Variants in KIAA1328 observed in about 807,000 individuals in gnomAD.
KIAA1328 encodes protein hinderin.
Under a neutral mutation model 68.1 loss-of-function variants are expected in KIAA1328, and 52 were observed. The ratio of observed to expected loss-of-function variants is 0.76; its 90% CI spans 0.61 to 0.96. KIAA1328 has a LOEUF of 0.96. Ranked by LOEUF, KIAA1328 falls within the 40% of genes least tolerant of loss-of-function variation. The probability of loss-of-function intolerance (pLI) is 0.00; values close to 1 mark genes in which losing one functional copy is unlikely to be tolerated. For synonymous variants in KIAA1328, 232 were observed against 239.4 expected, an observed-to-expected ratio of 0.97 and a Z score of 0.28; for missense variants, 641 against 677.6, an observed-to-expected ratio of 0.95 and a Z score of 0.60.
rs1197548873 is a variant in KIAA1328 at position 36,959,378 on chromosome 18, G to A, written c.519G>A (p.Gln173=). ...SLYQKYLSEQ[Q]EKLTMSLSEL... ...ATCAGAAATATTTATCAGAACAACA[G>A]GAGAAGCTCACCATGTCTCTCTCAG... The change falls in exon 6 of 10, where the codon CAG becomes CAA. Residue 173 remains glutamine (Q), a synonymous_variant. Coordinates refer to ENST00000280020, the MANE Select transcript of KIAA1328 (RefSeq NM_020776.3). The A allele has an allele frequency of 1.9e-6, 3 of 1,609,160 alleles. No homozygotes were observed. Among genetic ancestry groups the A allele is most frequent in the Admixed American group, 1.7e-5 (1 of 59,248 alleles).
chr18:37,192,406 G>A (rs1017807476), intron 9 of KIAA1328, among the ~76,000 whole-genome samples: 1 of 152,100 alleles, frequency 6.6e-6, no homozygotes, highest in Non-Finnish European at 1.5e-5. Context: ...TTTCAATAAT[G>A]TGTAGCATAA....
At chr18:37,209,975 A>G (rs1472543109) in intron 9 of KIAA1328, among the ~76,000 whole-genome samples, 1 of 152,204 alleles carries the variant, frequency 6.6e-6, no homozygotes, top group African/African-American at 2.4e-5. Context: ...GCCCTGGGGC[A>G]TTCTTTCATT....
intron 5 of KIAA1328, among the ~76,000 whole-genome samples, chr18:36,943,628 AG>A (rs1370061103): frequency 6.6e-6 from 1 of 152,240 alleles, no homozygotes; most frequent in Non-Finnish European, 1.5e-5. Flanking sequence ...CAGGTGGTAT[AG>A]ATAGAACTAG....
chr18:37,096,038 C>A (rs1399929388), intron 7 of KIAA1328, among the ~76,000 whole-genome samples: 1 of 151,812 alleles, frequency 6.6e-6, no homozygotes, highest in Admixed American at 6.6e-5. Context: ...GGTGGCTTTA[C>A]TGCTGTATTC....
At chr18:36,965,915 CA>C (rs1355288401) in intron 6 of KIAA1328, among the ~76,000 whole-genome samples, 39 of 136,018 alleles carry the variant, frequency 2.9e-4, no homozygotes, top group Admixed American at 3.0e-4. Context: ...TTCTAATTGA[CA>C]AAAAAAAAAA....
chr18:37,169,678 T>C (rs1176098749), intron 8 of KIAA1328, among the ~76,000 whole-genome samples: 2 of 152,206 alleles, frequency 1.3e-5, no homozygotes, highest in African/African-American at 4.8e-5. Context: ...CAATAAGGAA[T>C]AGAACTTAGA....
chr18:37,135,242 T>C (rs965377604), intron 7 of KIAA1328, among the ~76,000 whole-genome samples: 15 of 152,216 alleles, frequency 9.9e-5, no homozygotes, highest in Non-Finnish European at 1.3e-4. Flanking sequence ...GGTCGAACGG[T>C]AGTGCTGTTT....
chr18:37,067,102 A>T lies in KIAA1328; in HGVS notation c.789A>T (p.Pro263=), dbSNP rs758828744. ...HHPKDDLDKI[P]SETTTCNCES... is the part of the protein sequence containing the mutation. ...CCAAAGATGATCTAGATAAGATACC[A>T]TCAGAGACCACAACATGTAATTGTG... The change falls in exon 7 of 10, where the codon CCA becomes CCT. Residue 263 remains proline (P), a synonymous_variant. Coordinates refer to ENST00000280020, the MANE Select transcript of KIAA1328 (RefSeq NM_020776.3). The T allele has an allele frequency of 6.2e-7, 1 of 1,613,938 alleles. No homozygotes were observed. Among genetic ancestry groups the T allele is most frequent in the Non-Finnish European group, 8.5e-7 (1 of 1,179,906 alleles).
intron 6 of KIAA1328, among the ~76,000 whole-genome samples, chr18:37,055,678 A>G (rs1187638584): frequency 1.3e-5 from 2 of 152,162 alleles, no homozygotes; most frequent in Non-Finnish European, 2.9e-5. Flanking sequence ...GCTCTGGGAG[A>G]TACAACGACC....
At chr18:36,955,314 CTTTTT>C (rs60361116) in intron 5 of KIAA1328, among the ~76,000 whole-genome samples, 4 of 129,098 alleles carry the variant, frequency 3.1e-5, no homozygotes, top group Admixed American at 8.1e-5. Flanking sequence ...TTTTTCTTTT[CTTTTT>C]TTTTTTTTTT....
In KIAA1328 at chr18:37,067,608, T is replaced by C. The variant is rs1005581632; in HGVS notation, c.1232+63T>C. The stretch of plus-strand genomic sequence containing the variant: ...CGAAATCTCGCCCTGTTGCCCAGGC[T>C]GGAGTGTAGTGGCACAATCTCAGCT... On this transcript the variant is annotated intron_variant, in intron 7 of 9. Transcript: ENST00000280020. 4.6e-5 allele frequency: 65 copies of C among 1,416,180 alleles called. No homozygotes were observed. In the African/African-American group the frequency reaches 8.7e-4, roughly 19 times the overall value. 87.7% of individuals were successfully genotyped at this position (1,416,180 alleles called of 1,614,324 possible). A position where few individuals can be genotyped will look rare whatever the true frequency, so the allele number is the denominator to read the frequency against.
At chr18:37,120,304 G>T (rs1054116974) in intron 7 of KIAA1328, among the ~76,000 whole-genome samples, 1 of 152,034 alleles carries the variant, frequency 6.6e-6, no homozygotes, top group Non-Finnish European at 1.5e-5. Flanking sequence ...GACTCCCAGT[G>T]ACATTTACTA....
chr18:36,889,283 A>C (rs939725519), intron 5 of KIAA1328, among the ~76,000 whole-genome samples: 20 of 152,222 alleles, frequency 1.3e-4, no homozygotes, highest in Non-Finnish European at 2.5e-4. Context: ...AAGAAAGATA[A>C]ATCTGAAACT....
At chr18:36,926,830 TAATTGGC>T (rs1288894610) in intron 5 of KIAA1328, among the ~76,000 whole-genome samples, 2 of 152,150 alleles carry the variant, frequency 1.3e-5, no homozygotes, top group Non-Finnish European at 2.9e-5. Context: ...AAAAGACGTG[TAATTGGC>T]GCATGGTTCT....
rs115945632 is a variant in KIAA1328, at chr18:37,063,197, C to T, written c.577-3693C>T. Reference sequence around the variant, plus strand: ...GTTAGTTTCTTACATCTATGTGATACATGTCCCATTTACTTACTAGCTGTT... The same window carrying T: ...GTTAGTTTCTTACATCTATGTGATATATGTCCCATTTACTTACTAGCTGTT... On this transcript the variant is annotated intron_variant, in intron 6 of 9. Coordinates refer to ENST00000280020, the MANE Select transcript of KIAA1328 (RefSeq NM_020776.3). Among the ~76,000 whole-genome samples the T allele has an allele frequency of 6.7e-3, 1,019 of 152,304 alleles. 16 individuals carry two copies. Among genetic ancestry groups the T allele is most frequent in the African/African-American group, 0.023 (944 of 41,558 alleles).
downstream of KIAA1328, chr18:37,230,761 G>A (rs952325139): frequency 2.6e-5 from 4 of 152,182 alleles, no homozygotes; most frequent in South Asian, 8.3e-4. Context: ...GAGGACTGGG[G>A]AGGGTGGGGC....
intron 7 of KIAA1328, among the ~76,000 whole-genome samples, chr18:37,102,204 G>A (rs540343277): frequency 2.3e-4 from 35 of 152,324 alleles, no homozygotes; most frequent in Middle Eastern, 3.4e-3. Context: ...TTCAACATAT[G>A]CAATTCACTA....
intron 7 of KIAA1328, among the ~76,000 whole-genome samples, chr18:37,134,572 ATT>A (rs1246662799): frequency 1.3e-5 from 2 of 152,210 alleles, no homozygotes; most frequent in Non-Finnish European, 2.9e-5. Context: ...TTTCTTCTGC[ATT>A]CACTCTTCTG....
At chr18:37,088,417 G>A (rs926537704) in intron 7 of KIAA1328, among the ~76,000 whole-genome samples, 10 of 152,074 alleles carry the variant, frequency 6.6e-5, no homozygotes, top group African/African-American at 2.2e-4. Flanking sequence ...ATGGAATCTT[G>A]TAATTTGCAG....
Sources: gnomAD v4.1 joint callset for allele counts (sites outside exome capture counted in the v4.1 genomes callset) on GRCh38, gnomAD v4.1.1 for gene constraint, MANE v1.5 for transcripts, NCBI Gene and HGNC (gene_info 2026-07-23, HGNC 2026-07-21) for gene names.